Variants in SLC38A12 observed in about 807,000 individuals in gnomAD.
SLC38A12 encodes the protein putative sodium-coupled neutral amino acid transporter 12.
At chr17:74,792,776 C>A in the SLC38A12 span, among the ~76,000 whole-genome samples, 1 of 152,244 alleles carries the variant, frequency 6.6e-6, no homozygotes, top group Non-Finnish European at 1.5e-5. Flanking sequence ...GTTCACCCTC[C>A]CTGCTGGACC....
the SLC38A12 span, among the ~76,000 whole-genome samples, chr17:74,790,707 C>T: frequency 6.7e-6 from 1 of 149,148 alleles, no homozygotes; most frequent in African/African-American, 2.5e-5. Flanking sequence ...CCTCCCTGGT[C>T]GGCTGGGTTA....
At chr17:74,797,609 A>G in the SLC38A12 span, among the ~76,000 whole-genome samples, 1 of 152,184 alleles carries the variant, frequency 6.6e-6, no homozygotes, top group African/African-American at 2.4e-5. Context: ...CTCAGAAGTC[A>G]CTTCACAGTT....
At chr17:74,800,181 G>A in the SLC38A12 span, among the ~76,000 whole-genome samples, 6 of 152,212 alleles carry the variant, frequency 3.9e-5, no homozygotes, top group African/African-American at 1.2e-4. Context: ...CTGCCTTGGC[G>A]GTGGCCCCCA....
At chr17:74,802,905 G>A in the SLC38A12 span, among the ~76,000 whole-genome samples, 1 of 152,142 alleles carries the variant, frequency 6.6e-6, no homozygotes, top group Non-Finnish European at 1.5e-5. Context: ...GGGGAAAACG[G>A]CAGTGTAACT....
the SLC38A12 span, chr17:74,819,911 A>T: frequency 7.1e-7 from 1 of 1,416,366 alleles, no homozygotes; most frequent in Non-Finnish European, 9.9e-7. Context: ...CTTTCATGAG[A>T]GGCCGTGCAG....
chr17:74,810,104 T>G, the SLC38A12 span, among the ~76,000 whole-genome samples: 1 of 152,206 alleles, frequency 6.6e-6, no homozygotes, highest in Non-Finnish European at 1.5e-5. Flanking sequence ...AGGCTCAGTG[T>G]CCTCCCGTCT....
the SLC38A12 span, among the ~76,000 whole-genome samples, chr17:74,776,798 C>T: frequency 1.3e-5 from 2 of 152,098 alleles, no homozygotes; most frequent in Non-Finnish European, 2.9e-5. Flanking sequence ...AAAAGGAGGC[C>T]TTAGTGCCAA....
the SLC38A12 span, among the ~76,000 whole-genome samples, chr17:74,781,917 T>G: frequency 7.9e-5 from 12 of 152,330 alleles, no homozygotes; most frequent in South Asian, 2.3e-3. Flanking sequence ...CCTACCTGCC[T>G]CTTTCCCACT....
chr17:74,797,701 G>T, the SLC38A12 span, among the ~76,000 whole-genome samples: 3 of 152,156 alleles, frequency 2.0e-5, no homozygotes, highest in African/African-American at 4.8e-5. Context: ...TGCTTTCATT[G>T]CTCTGCAGCC....
the SLC38A12 span, among the ~76,000 whole-genome samples, chr17:74,809,029 T>C: frequency 1.2e-4 from 18 of 152,258 alleles, no homozygotes; most frequent in South Asian, 4.1e-4. Context: ...TGACGTTCCT[T>C]TTTCACCATC....
At chr17:74,810,010 C>G in the SLC38A12 span, among the ~76,000 whole-genome samples, 2 of 152,192 alleles carry the variant, frequency 1.3e-5, no homozygotes, top group African/African-American at 4.8e-5. Context: ...GATTTGGTTT[C>G]TTTCCTCTGC....
chr17:74,824,679 T>G, the SLC38A12 span, among the ~76,000 whole-genome samples: 1 of 152,186 alleles, frequency 6.6e-6, no homozygotes, highest in Non-Finnish European at 1.5e-5. Flanking sequence ...CAGGGTTCCC[T>G]TCCCTCTGAT....
At chr17:74,788,290 C>T in the SLC38A12 span, among the ~76,000 whole-genome samples, 2 of 152,202 alleles carry the variant, frequency 1.3e-5, no homozygotes, top group African/African-American at 4.8e-5. Flanking sequence ...GAGCCAAGTA[C>T]CCATTTCCAA....
the SLC38A12 span, among the ~76,000 whole-genome samples, chr17:74,778,170 C>T: frequency 6.6e-6 from 1 of 152,242 alleles, no homozygotes; most frequent in Non-Finnish European, 1.5e-5. Flanking sequence ...ATGATTGATT[C>T]TCACTGTCTT....
the SLC38A12 span, among the ~76,000 whole-genome samples, chr17:74,834,517 A>G: frequency 2.6e-5 from 4 of 152,280 alleles, no homozygotes; most frequent in East Asian, 7.7e-4. Context: ...TCATTGTGGG[A>G]AGACATTGCC....
the SLC38A12 span, among the ~76,000 whole-genome samples, chr17:74,798,404 C>T: frequency 6.6e-6 from 1 of 152,250 alleles, no homozygotes; most frequent in South Asian, 2.1e-4. Context: ...AAGGGAGATG[C>T]TTCTACCAGC....
the SLC38A12 span, among the ~76,000 whole-genome samples, chr17:74,834,273 T>C: frequency 6.6e-6 from 1 of 152,026 alleles, no homozygotes; most frequent in Non-Finnish European, 1.5e-5. Context: ...CGCTTCCGCT[T>C]GACTGACCAG....
At chr17:74,790,263 G>C in the SLC38A12 span, 2 of 1,613,946 alleles carry the variant, frequency 1.2e-6, no homozygotes, top group East Asian at 4.5e-5. Flanking sequence ...GGACAACTAC[G>C]AGCGGGCAGA....
the SLC38A12 span, among the ~76,000 whole-genome samples, chr17:74,811,769 C>T: frequency 1.2e-4 from 18 of 148,924 alleles, no homozygotes; most frequent in African/African-American, 4.0e-4. Context: ...TGGTGGCTCA[C>T]GCCTGTAATC....
Sources: gnomAD v4.1 joint callset for allele counts (sites outside exome capture counted in the v4.1 genomes callset) on GRCh38, gnomAD v4.1.1 for gene constraint, MANE v1.5 for transcripts, NCBI Gene and HGNC (gene_info 2026-07-23, HGNC 2026-07-21) for gene names.